The following SLC25A25 variants were observed in gnomAD, a reference collection of about 807,000 sequenced individuals.
SLC25A25 encodes the protein mitochondrial adenyl nucleotide antiporter SLC25A25.
Under a neutral mutation model 57.7 loss-of-function variants are expected in SLC25A25, and 32 were observed. That is an observed-to-expected ratio of 0.55 (90% CI 0.42 to 0.74). The LOEUF is 0.74. Ranked by LOEUF, SLC25A25 falls within the 30% of genes least tolerant of loss-of-function variation. SLC25A25 has a pLI of 0.00. For missense variants in SLC25A25, 556 were observed against 701.3 expected (o/e 0.79, Z 2.34); for synonymous variants, 306 against 291.2 (o/e 1.05, Z -0.52).
chr9:128,069,572 C>T (rs1419889565), intron 1 of SLC25A25, among the ~76,000 whole-genome samples: 1 of 152,022 alleles, frequency 6.6e-6, no homozygotes, highest in Non-Finnish European at 1.5e-5. Flanking sequence ...TCTGGTAAAC[C>T]GCCAATGAAT....
intron 1 of SLC25A25, among the ~76,000 whole-genome samples, chr9:128,083,571 G>C (rs943076836): frequency 2.3e-5 from 3 of 132,618 alleles, no homozygotes; most frequent in Non-Finnish European, 4.6e-5. Flanking sequence ...GTGCAGTGGC[G>C]CGATCTCCGC....
At chr9:128,091,436 A>G (rs1006369172) in intron 1 of SLC25A25, 3 of 985,590 alleles carry the variant, frequency 3.0e-6, no homozygotes, top group Non-Finnish European at 3.6e-6. Flanking sequence ...TGCAGACTGG[A>G]TGCTCGGGTC....
intron 1 of SLC25A25, among the ~76,000 whole-genome samples, chr9:128,081,959 C>T (rs1197185741): frequency 6.6e-6 from 1 of 152,078 alleles, no homozygotes; most frequent in Non-Finnish European, 1.5e-5. Flanking sequence ...CAAGCAGACC[C>T]TTGCTTCTGT....
Position 128,102,260 on chromosome 9 carries a change from G to C in SLC25A25, c.513-110G>C, listed in dbSNP as rs532547343. 15 of 1,406,584 alleles carry C rather than the reference G, an allele frequency of 1.1e-5. No homozygotes were observed. Among genetic ancestry groups the C allele is most frequent in the Admixed American group, 3.9e-5 (2 of 51,566 alleles). 87.1% of individuals were successfully genotyped at this position (1,406,584 alleles called of 1,614,324 possible). On this transcript the variant is annotated intron_variant, in intron 4 of 10. Coordinates refer to ENST00000373069, the MANE Select transcript of SLC25A25 (RefSeq NM_001330988.2). This position sits in a 1 kb window ranked among gnomAD's most constrained non-coding sequence, Gnocchi z 4.1. ...TTTCTCCTGGGGGCAGAGGCACCTC[G>C]TGTGGTTTCTGGGCATCCGAATGCC...
At chr9:128,098,610 A>G (rs1374054586) in intron 1 of SLC25A25, 3 of 1,614,156 alleles carry the variant, frequency 1.9e-6, no homozygotes, top group Non-Finnish European at 2.5e-6. Context: ...GGGGAAGCCC[A>G]GACCGAGTTC....
chr9:128,071,561 C>G (rs959348975), intron 1 of SLC25A25, among the ~76,000 whole-genome samples: 12 of 108,592 alleles, frequency 1.1e-4, no homozygotes, highest in Non-Finnish European at 3.8e-5. Context: ...CCACCACGCC[C>G]TGCTAATTTT....
chr9:128,072,741 C>T (rs916845800), intron 1 of SLC25A25, among the ~76,000 whole-genome samples: 21 of 152,156 alleles, frequency 1.4e-4, no homozygotes, highest in African/African-American at 4.3e-4. Flanking sequence ...AAAAAGATGA[C>T]GACAACAGTA....
intron 1 of SLC25A25, among the ~76,000 whole-genome samples, chr9:128,086,906 C>T (rs1833288392): frequency 6.6e-6 from 1 of 152,054 alleles, no homozygotes. Context: ...TTTAAATAGT[C>T]ACTTATCTTT....
intron 1 of SLC25A25, among the ~76,000 whole-genome samples, chr9:128,070,967 AAAAAAAG>A (rs1306140811): frequency 6.8e-6 from 1 of 146,968 alleles, no homozygotes; most frequent in African/African-American, 2.4e-5. Flanking sequence ...AAAAAAAAAA[AAAAAAAG>A]AAAGAAAGAA....
chr9:128,083,507 T>C (rs1201475475), intron 1 of SLC25A25, among the ~76,000 whole-genome samples: 2 of 61,668 alleles, frequency 3.2e-5, no homozygotes, highest in African/African-American at 7.9e-5. Flanking sequence ...TTTTTTTTTC[T>C]TTTTTCTTTT....
chr9:128,107,830 C>T lies in SLC25A25; in HGVS notation c.*386C>T, dbSNP rs369881030. 4.9e-6 allele frequency: 2 copies of T among 404,186 alleles called. No individual in the cohort carries two copies. The highest frequency in any genetic ancestry group is 7.1e-5 in the East Asian group (2 of 28,178). 25.0% of individuals were successfully genotyped at this position (404,186 alleles called of 1,614,324 possible). ...CCACGGCCCCTGCCCTCTGGTCTGCCGTGCATCTCCCTGTGCCCTCTTGCT... is the reference window on the plus strand; with the variant it reads ...CCACGGCCCCTGCCCTCTGGTCTGCTGTGCATCTCCCTGTGCCCTCTTGCT... On this transcript the variant is annotated 3_prime_UTR_variant, in exon 11 of 11. Transcript: ENST00000373069.
Position 128,068,538 on chromosome 9 carries a change from G to A in SLC25A25, c.219G>A (p.Gly73=). Residue 73 remains glycine, a synonymous_variant, in exon 1 of 11, where the codon GGG becomes GGA. Coordinates refer to ENST00000373069, the MANE Select transcript of SLC25A25 (RefSeq NM_001330988.2). ...TGTGTGTCAACGACCTGGCGGTGGG[G>A]CTGCGGCGCCTGGGACTGCACCGCA... is the stretch of plus-strand genomic sequence containing the variant. The part of the protein sequence containing the change: ...GGLCVNDLAV[G]LRRLGLHRTE... The A allele has an allele frequency of 6.7e-7, 1 of 1,484,428 alleles. No homozygotes were observed. Among genetic ancestry groups the A allele is most frequent in the Non-Finnish European group, 8.9e-7 (1 of 1,124,470 alleles). 92.0% of individuals were successfully genotyped at this position (1,484,428 alleles called of 1,614,324 possible).
At chr9:128,093,770 T>C (rs137970859) in intron 1 of SLC25A25, among the ~76,000 whole-genome samples, 2,579 of 152,310 alleles carry the variant, frequency 0.017, 34 homozygotes, top group Middle Eastern at 0.044. Context: ...CTGAAGGTGT[T>C]TGGGGTTTGT....
intron 1 of SLC25A25, among the ~76,000 whole-genome samples, chr9:128,097,134 C>T (rs191200047): frequency 6.6e-6 from 1 of 152,310 alleles, no homozygotes; most frequent in East Asian, 1.9e-4. Flanking sequence ...CATTTTTATC[C>T]ATCCCGGTAG....
intron 1 of SLC25A25, among the ~76,000 whole-genome samples, chr9:128,070,217 A>G (rs1832875366): frequency 6.8e-6 from 1 of 147,990 alleles, no homozygotes; most frequent in Admixed American, 7.0e-5. Flanking sequence ...CAGCCTCCCT[A>G]GTAGCTGGGA....
chr9:128,106,083 G>T (rs1834020085), intron 7 of SLC25A25, 67 bp from the exon 8 acceptor site: 2 of 1,597,068 alleles, frequency 1.3e-6, no homozygotes, highest in Admixed American at 1.7e-5. Flanking sequence ...ACTCCTGGAA[G>T]GGAGGGGCAG....
chr9:128,072,931 G>C (rs763833685), intron 1 of SLC25A25, among the ~76,000 whole-genome samples: 23 of 152,366 alleles, frequency 1.5e-4, no homozygotes, highest in Middle Eastern at 6.8e-3. Flanking sequence ...CTCTCCAGCT[G>C]AGGCTTTGGG....
chr9:128,091,325 C>A (rs1833397889), intron 1 of SLC25A25: 1 of 592,294 alleles, frequency 1.7e-6, no homozygotes, highest in Non-Finnish European at 2.1e-6. Flanking sequence ...GGGCTTCATG[C>A]AGGCAATCAG....
intron 1 of SLC25A25, among the ~76,000 whole-genome samples, chr9:128,073,930 C>T (rs553842265): frequency 1.8e-4 from 28 of 152,154 alleles, no homozygotes; most frequent in African/African-American, 5.1e-4. Context: ...GACTGGGTTG[C>T]GCCATTTTGG....
Sources: allele counts gnomAD v4.1 joint callset (sites outside exome capture counted in the v4.1 genomes callset), GRCh38; gene constraint gnomAD v4.1.1; non-coding constraint Gnocchi (gnomAD v3.1); transcripts MANE v1.5; gene names NCBI Gene and HGNC (gene_info 2026-07-23, HGNC 2026-07-21).